The following PTPRD variants were observed in gnomAD, a reference collection of about 807,000 sequenced individuals.
PTPRD encodes the protein protein tyrosine phosphatase receptor type D.
In PTPRD, 34 loss-of-function variants were observed where a neutral mutation model predicts 214.5. That is an observed-to-expected ratio of 0.16 (90% CI 0.12 to 0.21). The LOEUF (loss-of-function observed/expected upper bound fraction) is 0.21, where lower values mean the gene tolerates loss of function less well. PTPRD is among the 10% of genes least tolerant of loss of function. The probability of loss-of-function intolerance (pLI) is 1.00; values close to 1 mark genes in which losing one functional copy is unlikely to be tolerated. For missense variants in PTPRD, 2,545 were observed against 2,398.7 expected, an observed-to-expected ratio of 1.06 and a Z score of -1.27; for synonymous variants, 1,128 against 845.7, an observed-to-expected ratio of 1.33 and a Z score of -5.79.
chr9:9,169,750 A>G (rs1049484853), intron 10 of PTPRD, among the ~76,000 whole-genome samples: 2 of 152,196 alleles, frequency 1.3e-5, no homozygotes, highest in Admixed American at 6.6e-5. Flanking sequence ...CAGGTTAAAC[A>G]CATTCTAAAA....
At chr9:8,969,564 A>G (rs2099223385) in intron 11 of PTPRD, among the ~76,000 whole-genome samples, 1 of 152,098 alleles carries the variant, frequency 6.6e-6, no homozygotes, top group Non-Finnish European at 1.5e-5. Flanking sequence ...TTTCAAAACA[A>G]TGCTGAACAA....
intron 10 of PTPRD, among the ~76,000 whole-genome samples, chr9:9,114,601 G>A (rs1389116572): frequency 6.6e-6 from 1 of 151,986 alleles, no homozygotes; most frequent in Non-Finnish European, 1.5e-5. Flanking sequence ...TTCATTCCTG[G>A]GGACTTTATG....
At chr9:9,957,782 G>C (rs997794144) in intron 4 of PTPRD, among the ~76,000 whole-genome samples, 1 of 151,686 alleles carries the variant, frequency 6.6e-6, no homozygotes, top group Non-Finnish European at 1.5e-5. Context: ...CTGACTTCAA[G>C]ACTTACTAAA....
intron 3 of PTPRD, among the ~76,000 whole-genome samples, chr9:10,217,974 C>T (rs2099549362): frequency 1.3e-5 from 2 of 151,910 alleles, no homozygotes; most frequent in African/African-American, 2.4e-5. Flanking sequence ...ATGACACACA[C>T]AAAACCTGTG....
chr9:9,365,012 G>A (rs540608530), intron 9 of PTPRD, among the ~76,000 whole-genome samples: 1 of 151,564 alleles, frequency 6.6e-6, no homozygotes, highest in Non-Finnish European at 1.5e-5. Context: ...CTGATGAACT[G>A]GATATGACTG....
At chr9:10,234,701 A>C (rs2154358698) in intron 3 of PTPRD, among the ~76,000 whole-genome samples, 1 of 152,078 alleles carries the variant, frequency 6.6e-6, no homozygotes, top group East Asian at 1.9e-4. Context: ...TAAATAAATA[A>C]GTGATCAAAC....
In PTPRD at chr9:9,318,206, C is replaced by A. The variant is rs1206358942; in HGVS notation, c.-203+79243G>T. On this transcript the variant is annotated intron_variant, in intron 9 of 45. Coordinates refer to ENST00000381196, the MANE Select transcript of PTPRD (RefSeq NM_002839.4). ...ACAAAAAACAAAACAAACAAACAAA[C>A]AAAAACAAACAAAAAACCAAAAAAA... Among the ~76,000 whole-genome samples, 737 of 138,880 alleles carry A rather than the reference C, an allele frequency of 5.3e-3. 4 individuals are homozygous for A. Among genetic ancestry groups the A allele is most frequent in the African/African-American group, 0.019 (698 of 37,310 alleles). 91.1% of individuals were successfully genotyped at this position (138,880 alleles called of 152,430 possible). A position where few individuals can be genotyped will look rare whatever the true frequency, so the allele number is the denominator to read the frequency against.
chr9:10,070,291 AT>A (rs1266491674), intron 3 of PTPRD, among the ~76,000 whole-genome samples: 6 of 152,038 alleles, frequency 3.9e-5, no homozygotes, highest in African/African-American at 1.4e-4. Context: ...GTTTATCTTA[AT>A]TACTTAAACA....
At chr9:9,526,696 G>A (rs145371168) in intron 8 of PTPRD, among the ~76,000 whole-genome samples, 256 of 152,212 alleles carry the variant, frequency 1.7e-3, no homozygotes, top group African/African-American at 6.0e-3. Flanking sequence ...TCTGAAATAT[G>A]CTTCTAAGAA....
At chr9:9,798,335 T>C (rs1404718970) in intron 5 of PTPRD, among the ~76,000 whole-genome samples, 1 of 152,036 alleles carries the variant, frequency 6.6e-6, no homozygotes, top group East Asian at 1.9e-4. Flanking sequence ...CTCAAAGAAA[T>C]AGAGAAACCT....
chr9:8,433,685 T>C (rs966694736), intron 35 of PTPRD, among the ~76,000 whole-genome samples: 6 of 152,192 alleles, frequency 3.9e-5, no homozygotes, highest in Non-Finnish European at 7.3e-5. Flanking sequence ...GAAAAAATGT[T>C]TTTGTATAGC....
intron 8 of PTPRD, among the ~76,000 whole-genome samples, chr9:9,551,962 G>A (rs940363357): frequency 1.3e-5 from 2 of 151,816 alleles, no homozygotes; most frequent in African/African-American, 4.8e-5. Flanking sequence ...AAAAAATGAG[G>A]AAGTAAACTG....
chr9:10,466,415 G>A (rs867762230), intron 2 of PTPRD, among the ~76,000 whole-genome samples: 32 of 151,996 alleles, frequency 2.1e-4, no homozygotes, highest in African/African-American at 5.8e-4. Flanking sequence ...CCTGAAGTCG[G>A]GAGTTCGAGA....
intron 5 of PTPRD, among the ~76,000 whole-genome samples, chr9:9,922,982 T>C (rs1255433569): frequency 1.3e-5 from 2 of 152,054 alleles, no homozygotes; most frequent in African/African-American, 4.8e-5. Context: ...TTTATCAATG[T>C]CACATTTACT....
At chr9:9,589,357 C>A (rs1351151047) in intron 7 of PTPRD, among the ~76,000 whole-genome samples, 1 of 151,364 alleles carries the variant, frequency 6.6e-6, no homozygotes, top group Non-Finnish European at 1.5e-5. Context: ...AATGTCTTTC[C>A]CTTTTAAAAG....
chr9:10,195,855 C>T (rs1329139238), intron 3 of PTPRD, among the ~76,000 whole-genome samples: 3 of 152,000 alleles, frequency 2.0e-5, no homozygotes, highest in South Asian at 2.1e-4. Flanking sequence ...TCTACCAACA[C>T]GGATGAATTA....
intron 9 of PTPRD, among the ~76,000 whole-genome samples, chr9:9,229,303 T>C (rs779213224): frequency 2.0e-5 from 3 of 152,034 alleles, no homozygotes; most frequent in Non-Finnish European, 2.9e-5. Context: ...CAAGAGTCTT[T>C]AGTTAAGTAA....
intron 2 of PTPRD, among the ~76,000 whole-genome samples, chr9:10,513,172 TTGTG>T (rs1018881594): frequency 1.3e-5 from 2 of 151,514 alleles, no homozygotes; most frequent in African/African-American, 4.8e-5. Context: ...GGTTTTATGA[TTGTG>T]TGTGTATGTG....
chr9:8,950,622 T>C (rs1314092641), intron 11 of PTPRD, among the ~76,000 whole-genome samples: 16 of 152,154 alleles, frequency 1.1e-4, no homozygotes, highest in Non-Finnish European at 2.9e-5. Flanking sequence ...GGACTCTGTA[T>C]ATAATGGAGC....
Sources: allele counts gnomAD v4.1 joint callset (sites outside exome capture counted in the v4.1 genomes callset), GRCh38; gene constraint gnomAD v4.1.1; transcripts MANE v1.5; gene names NCBI Gene and HGNC (gene_info 2026-07-23, HGNC 2026-07-21).